Variants in DMRT2 observed in about 807,000 individuals in gnomAD.
DMRT2 encodes the protein doublesex- and mab-3-related transcription factor 2.
A neutral mutation model predicts 43.5 loss-of-function variants in DMRT2; 33 were observed. The ratio of observed to expected loss-of-function variants is 0.76; its 90% CI spans 0.58 to 1.01. The LOEUF (loss-of-function observed/expected upper bound fraction) is 1.01. Among genes scored for constraint, DMRT2 ranks in the 50% least tolerant of loss-of-function variants. The probability of loss-of-function intolerance (pLI) is 0.00; values close to 1 mark genes in which losing one functional copy is unlikely to be tolerated. For synonymous variants in DMRT2, 395 were observed against 309.2 expected, an observed-to-expected ratio of 1.28 and a Z score of -2.91; for missense variants, 1,064 against 748.0, an observed-to-expected ratio of 1.42 and a Z score of -4.93.
rs1340255024 is a variant in DMRT2, at chr9:1,056,801, C to T, written c.1214C>T (p.Pro405Leu). The change falls in exon 4 of 4, where the codon CCT becomes CTT. Residue 405 changes from proline to leucine, a missense_variant. Pro to Leu is a moderately conservative substitution (Grantham distance 98). Coordinates refer to ENST00000358146, the MANE Select transcript of DMRT2 (RefSeq NM_181872.6). ...PSKLEGSLVL[P>L]HTPEIQTTRS... Reference sequence around the variant, plus strand: ...AAATTGGAAGGTTCCCTGGTGCTGCCTCACACTCCTGAGATCCAGACCACG... The same window carrying T: ...AAATTGGAAGGTTCCCTGGTGCTGCTTCACACTCCTGAGATCCAGACCACG... The T allele has an allele frequency of 1.8e-5, 29 of 1,614,006 alleles. No individual in the cohort carries two copies. The Admixed American group carries it at 4.8e-4, about 27-fold the overall frequency.
intron 3 of DMRT2, 144 bp downstream of exon 3, chr9:1,053,968 C>T: frequency 1.6e-6 from 1 of 637,900 alleles, no homozygotes; most frequent in Non-Finnish European, 2.6e-6. Context: ...TAGGTGTTCG[C>T]TGAGCCCGTA....
chr9:1,053,101 T>A (rs72703234), intron 2 of DMRT2: 16,527 of 152,266 alleles, frequency 0.11, 1,105 homozygotes, highest in South Asian at 0.21. Flanking sequence ...CTCTGTAGCA[T>A]ATGCTGGGTA....
intron 3 of DMRT2, chr9:1,055,833 G>A: frequency 3.3e-6 from 5 of 1,516,550 alleles, no homozygotes; most frequent in Middle Eastern, 1.9e-4. Context: ...GAAAAAAGAT[G>A]ACATGGATAA....
In DMRT2 at chr9:1,051,758, G is replaced by C. The variant is rs186801092; in HGVS notation, c.145G>C (p.Asp49His). ...GCCGGCGGACGGGGACTGCGAGGAC[G>C]ACGAAGATGACGACGGGGTGGACGA... ...PPPADGDCED[D>H]EDDDGVDEDA... The change falls in exon 2 of 4, where the codon GAC becomes CAC. Residue 49 changes from aspartate to histidine, a missense_variant. Physicochemically the swap from Asp to His is moderately conservative, Grantham distance 81. Transcript: ENST00000358146. This position sits in a 1 kb window ranked among gnomAD's most constrained non-coding sequence, Gnocchi z 5.9. 4.0e-4 allele frequency: 607 copies of C among 1,527,054 alleles called. 5 individuals carry two copies. In the African/African-American group the frequency reaches 8.0e-3, roughly 20 times the overall value. The allele number at this position is 1,527,054 out of a possible 1,614,324, so 94.6% of individuals were successfully genotyped here.
chr9:1,056,395 C>G lies in DMRT2; in HGVS notation c.808C>G (p.Leu270Val), dbSNP rs1320872951. 1.9e-6 allele frequency: 3 copies of G among 1,614,212 alleles called. No homozygotes were observed. The South Asian group carries it at 3.3e-5, about 18-fold the overall frequency. The change falls in exon 4 of 4, where the codon CTG becomes GTG. Residue 270 changes from leucine (L) to valine (V), a missense_variant. By Grantham distance (32) the Leu-to-Val change is conservative. Coordinates refer to ENST00000358146, the MANE Select transcript of DMRT2 (RefSeq NM_181872.6). ...LETSQAAALF[L>V]PNRMVPGPDY... The stretch of plus-strand genomic sequence containing the variant: ...AACTTCTCAAGCTGCTGCTCTGTTT[C>G]TGCCCAACCGCATGGTGCCTGGACC...
intron 3 of DMRT2, among the ~76,000 whole-genome samples, chr9:1,055,229 T>C (rs1380265397): frequency 1.3e-5 from 2 of 152,186 alleles, no homozygotes; most frequent in East Asian, 3.8e-4. Flanking sequence ...ATGAGTATAA[T>C]GGGTTTGTCA....
rs568883963 is a variant in DMRT2, at chr9:1,055,681, G to A, written c.629-535G>A. 6.1e-5 allele frequency: 87 copies of A among 1,424,088 alleles called. 3 individuals carry two copies. The South Asian group carries it at 1.3e-3, about 21-fold the overall frequency. 88.2% of individuals were successfully genotyped at this position (1,424,088 alleles called of 1,614,324 possible). The stretch of plus-strand genomic sequence containing the variant: ...AAGCCTTTTTTTTCTTTTTCTACTC[G>A]CTAATCTCCTTTAACTTTCTTTCTT... On this transcript the variant is annotated intron_variant, in intron 3 of 3. Transcript: ENST00000358146.
chr9:1,053,131 C>G (rs1427805596), intron 2 of DMRT2: 1 of 152,316 alleles, frequency 6.6e-6, no homozygotes, highest in Non-Finnish European at 1.5e-5. Flanking sequence ...CGTGGGAGGG[C>G]CCAGAATCCC....
In DMRT2 at chr9:1,051,276, TTACCCAGGGACTTGTCCGG is replaced by T. The variant is rs1821553858; in HGVS notation, c.-44-293_-44-275del. ...ATTTTGTGTGTGTGTGATAAGTGAG[TTACCCAGGGACTTGTCCGG>T]AAAGCCCGTGTAAAGCCAGAGAGGG... is the stretch of plus-strand genomic sequence containing the variant. On this transcript the variant is annotated intron_variant, in intron 1 of 3. Coordinates refer to ENST00000358146, the MANE Select transcript of DMRT2 (RefSeq NM_181872.6). The surrounding 1 kb of genome is among the most constrained non-coding windows in gnomAD (Gnocchi z 5.9). Among the ~76,000 whole-genome samples, 1 of 152,024 alleles carries T rather than the reference TTACCCAGGGACTTGTCCGG, an allele frequency of 6.6e-6. No individual in the cohort carries two copies. Among genetic ancestry groups the T allele is most frequent in the East Asian group, 1.9e-4 (1 of 5,186 alleles).
In DMRT2 at chr9:1,051,714, C is replaced by T. The variant is rs1821594056; in HGVS notation, c.101C>T (p.Pro34Leu). Residue 34 changes from proline to leucine, a missense_variant, in exon 2 of 4, where the codon CCC becomes CTC. Pro to Leu is a moderately conservative substitution (Grantham distance 98). Transcript: ENST00000358146. The surrounding 1 kb of genome is among the most constrained non-coding windows in gnomAD (Gnocchi z 5.9). ...GTCTGCGGGGCGCCGCGGTCCACGC[C>T]CCCCGGGCCCAGCCCGCCGCCGGCG... ...EDVCGAPRSTPPGPSPPPADG... is the reference protein window; with the variant it reads ...EDVCGAPRSTLPGPSPPPADG... The T allele has an allele frequency of 6.5e-7, 1 of 1,543,292 alleles. No homozygotes were observed. Among genetic ancestry groups the T allele is most frequent in the East Asian group, 2.5e-5 (1 of 40,062 alleles).
Position 1,051,455 on chromosome 9 carries a change from G to C in DMRT2, c.-44-115G>C. On this transcript the variant is annotated intron_variant, in intron 1 of 3. Coordinates refer to ENST00000358146, the MANE Select transcript of DMRT2 (RefSeq NM_181872.6). This position sits in a 1 kb window ranked among gnomAD's most constrained non-coding sequence, Gnocchi z 5.9. ...CCTGGAAGTGAGGGACATGTAATGA[G>C]AACAGGATGACTCAAGCGGCCGGAG... 7.8e-7 allele frequency: 1 copy of C among 1,275,864 alleles called. No homozygotes were observed. The highest frequency in any genetic ancestry group is 1.0e-6 in the Non-Finnish European group (1 of 974,956). 79.0% of individuals were successfully genotyped at this position (1,275,864 alleles called of 1,614,324 possible). A position where few individuals can be genotyped will look rare whatever the true frequency, so the allele number is the denominator to read the frequency against.
intron 2 of DMRT2, among the ~76,000 whole-genome samples, chr9:1,053,502 G>A (rs1427853993): frequency 6.6e-6 from 1 of 152,238 alleles, no homozygotes; most frequent in Non-Finnish European, 1.5e-5. Flanking sequence ...GCTGCGGAAA[G>A]CAGGGGATCC....
chr9:1,054,533 T>A (rs970301174), intron 3 of DMRT2: 1 of 152,078 alleles, frequency 6.6e-6, no homozygotes, highest in Non-Finnish European at 1.5e-5. Context: ...GAAGTGGAGG[T>A]TGAATGCGAA....
rs1038338996 is a variant in DMRT2, at chr9:1,051,349, G to A, written c.-44-221G>A. On this transcript the variant is annotated intron_variant, in intron 1 of 3. Coordinates refer to ENST00000358146, the MANE Select transcript of DMRT2 (RefSeq NM_181872.6). This position sits in a 1 kb window ranked among gnomAD's most constrained non-coding sequence, Gnocchi z 5.9. ...CGGTTAAAGGTCAGGTACTCACAGA[G>A]CACTTAGAATTAATAAAATAAAACC... 6.6e-6 allele frequency among the ~76,000 whole-genome samples: 1 copy of A among 152,224 alleles called. No individual in the cohort carries two copies. Among genetic ancestry groups the A allele is most frequent in the Non-Finnish European group, 1.5e-5 (1 of 68,046 alleles).
rs527258854 is a variant in DMRT2 at position 1,056,547 on chromosome 9, A to T, written c.960A>T (p.Glu320Asp). 6.2e-7 allele frequency: 1 copy of T among 1,614,160 alleles called. No homozygotes were observed. The change falls in exon 4 of 4, where the codon GAA becomes GAT. Residue 320 changes from glutamate (E) to aspartate (D), a missense_variant. By Grantham distance (45) the Glu-to-Asp change is conservative. Coordinates refer to ENST00000358146, the MANE Select transcript of DMRT2 (RefSeq NM_181872.6). ...TMQYSGSGNM[E>D]LISSNVSVAT... ...AGTATTCAGGGTCTGGGAATATGGA[A>T]CTAATTTCTTCTAATGTCAGCGTGG...
intron 3 of DMRT2, chr9:1,055,776 A>T: frequency 6.6e-7 from 1 of 1,510,084 alleles, no homozygotes; most frequent in Non-Finnish European, 8.9e-7. Context: ...CATCTTTAGA[A>T]AATAAAAGTG....
At position 1,056,999 on chromosome 9, in the gene DMRT2, T is replaced by G; in HGVS notation, c.1412T>G (p.Phe471Cys). The change falls in exon 4 of 4, where the codon TTC (phenylalanine) becomes TGC (cysteine). Residue 471 changes from phenylalanine (F) to cysteine (C), a missense_variant. Phe to Cys is a radical substitution (Grantham distance 205). Transcript: ENST00000358146. Reference protein sequence around the residue: ...RHPLPLRHNPFHSLFQQTLTD... With the variant: ...RHPLPLRHNPCHSLFQQTLTD... The stretch of plus-strand genomic sequence containing the variant: ...CCTCTGCCACTTAGACATAATCCAT[T>G]CCACTCATTATTCCAGCAAACACTT... 6.2e-7 allele frequency: 1 copy of G among 1,614,194 alleles called. No homozygotes were observed. The highest frequency in any genetic ancestry group is 1.1e-5 in the South Asian group (1 of 91,078).
At position 1,057,012 on chromosome 9, in the gene DMRT2, C is replaced by A; in HGVS notation, c.1425C>A (p.Phe475Leu). The part of the protein sequence containing the change: ...PLRHNPFHSL[F>L]QQTLTDKSGP... ...GACATAATCCATTCCACTCATTATTCCAGCAAACACTTACTGACAAATCGG... is the reference window on the plus strand; with the variant it reads ...GACATAATCCATTCCACTCATTATTACAGCAAACACTTACTGACAAATCGG... The change falls in exon 4 of 4, where the codon TTC (phenylalanine) becomes TTA (leucine). Residue 475 changes from phenylalanine to leucine, a missense_variant. Coordinates refer to ENST00000358146, the MANE Select transcript of DMRT2 (RefSeq NM_181872.6). 1 of 1,614,198 alleles carries A rather than the reference C, an allele frequency of 6.2e-7. No homozygotes were observed. The highest frequency in any genetic ancestry group is 8.5e-7 in the Non-Finnish European group (1 of 1,180,040).
At position 1,051,639 on chromosome 9, in the gene DMRT2, C is replaced by CGG; in HGVS notation, c.27_28dup (p.Ala10GlyfsTer109). The CGG allele has an allele frequency of 6.4e-7, 1 of 1,564,338 alleles. No individual in the cohort carries two copies. Among genetic ancestry groups the CGG allele is most frequent in the Non-Finnish European group, 8.6e-7 (1 of 1,164,490 alleles). On this transcript the variant is annotated frameshift_variant, in exon 2 of 4. Transcript: ENST00000358146. LOFTEE classifies it high-confidence loss of function. The surrounding 1 kb of genome is among the most constrained non-coding windows in gnomAD (Gnocchi z 5.9). The stretch of plus-strand genomic sequence containing the variant: ...ATGGCCGACCCGCAGGCTGGCTCCG[C>CGG]GGCCGGGGACTGGGAGATCGATGTC...
Sources: gnomAD v4.1 joint callset for allele counts (sites outside exome capture counted in the v4.1 genomes callset) on GRCh38, gnomAD v4.1.1 for gene constraint, Gnocchi (gnomAD v3.1) non-coding constraint, MANE v1.5 for transcripts, NCBI Gene and HGNC (gene_info 2026-07-23, HGNC 2026-07-21) for gene names.